Variants in FNDC3A observed in about 807,000 individuals in gnomAD.
The protein encoded by FNDC3A is fibronectin type-III domain-containing protein 3A.
A neutral mutation model predicts 148.9 loss-of-function variants in FNDC3A; 32 were observed. The observed-to-expected ratio is 0.21, with a 90% CI of 0.16 to 0.29. The LOEUF (loss-of-function observed/expected upper bound fraction) is 0.29, where lower values mean the gene tolerates loss of function less well. Among genes scored for constraint, FNDC3A ranks in the 10% least tolerant of loss-of-function variants. FNDC3A has a pLI of 1.00. For synonymous variants in FNDC3A, 472 were observed against 473.6 expected, an observed-to-expected ratio of 1.00 and a Z score of 0.04; for missense variants, 1,191 against 1,452.8, an observed-to-expected ratio of 0.82 and a Z score of 2.93.
At chr13:49,168,857 C>A (rs1884616717) in intron 10 of FNDC3A, 106 bp downstream of exon 10, 3 of 1,043,152 alleles carry the variant, frequency 2.9e-6, no homozygotes, top group South Asian at 1.6e-5. Context: ...TTAATTTGTT[C>A]CTGCTTTTTA....
intron 13 of FNDC3A, among the ~76,000 whole-genome samples, chr13:49,177,821 C>A (rs1885108660): frequency 6.6e-6 from 1 of 152,006 alleles, no homozygotes; most frequent in East Asian, 1.9e-4. Flanking sequence ...TATATGATTC[C>A]ATTTATATGG....
intron 3 of FNDC3A, among the ~76,000 whole-genome samples, chr13:49,104,551 A>C (rs1880049722): frequency 1.3e-5 from 2 of 152,140 alleles, no homozygotes; most frequent in Non-Finnish European, 1.5e-5. Context: ...AAGAAAAAAA[A>C]GAAAAGAAAA....
chr13:49,114,583 A>G lies in FNDC3A; in HGVS notation c.176-72A>G. The stretch of plus-strand genomic sequence containing the variant: ...TGTTTAGATGAAGTATTCAAAATGT[A>G]ATTCAAATTGTTTTCAACTTTAGCC... On this transcript the variant is annotated intron_variant, in intron 3 of 25. Coordinates refer to ENST00000492622, the MANE Select transcript of FNDC3A (RefSeq NM_001079673.2). 4 of 968,904 alleles carry G rather than the reference A, an allele frequency of 4.1e-6. No individual in the cohort carries two copies. The South Asian group carries it at 5.3e-5, about 13-fold the overall frequency. The allele number at this position is 968,904 out of a possible 1,614,324, so 60.0% of individuals were successfully genotyped here.
intron 7 of FNDC3A, among the ~76,000 whole-genome samples, chr13:49,143,997 T>TACTACC (rs1324125332): frequency 6.7e-6 from 1 of 149,720 alleles, no homozygotes; most frequent in Admixed American, 6.7e-5. Context: ...CTACTACTAC[T>TACTACC]ACTACTACTA....
intron 2 of FNDC3A, among the ~76,000 whole-genome samples, chr13:49,039,696 T>C (rs1874773578): frequency 6.6e-6 from 1 of 152,062 alleles, no homozygotes; most frequent in African/African-American, 2.4e-5. Context: ...ATTATCATAC[T>C]TTTTCTGTTT....
intron 2 of FNDC3A, among the ~76,000 whole-genome samples, chr13:49,068,431 A>G (rs192951253): frequency 1.4e-3 from 213 of 152,344 alleles, no homozygotes; most frequent in African/African-American, 5.0e-3. Flanking sequence ...GAGATCAAGA[A>G]CAAAATAGCA....
chr13:48,977,533 G>A (rs539221956), intron 1 of FNDC3A, among the ~76,000 whole-genome samples: 7 of 152,198 alleles, frequency 4.6e-5, no homozygotes, highest in Non-Finnish European at 1.0e-4. Context: ...GTTCAAGTGA[G>A]TTGAATCCCC....
intron 25 of FNDC3A, among the ~76,000 whole-genome samples, chr13:49,206,705 G>A (rs1046146479): frequency 6.6e-6 from 1 of 152,154 alleles, no homozygotes; most frequent in African/African-American, 2.4e-5. Flanking sequence ...CATAATGGGG[G>A]AAGCAAAAGT....
At chr13:49,107,476 C>T (rs1287675870) in intron 3 of FNDC3A, among the ~76,000 whole-genome samples, 5 of 152,050 alleles carry the variant, frequency 3.3e-5, no homozygotes, top group Non-Finnish European at 5.9e-5. Flanking sequence ...GGTAAAAATA[C>T]CTGACAGGAC....
intron 8 of FNDC3A, among the ~76,000 whole-genome samples, chr13:49,157,024 T>C (rs1883736237): frequency 4.3e-5 from 1 of 23,526 alleles, no homozygotes; most frequent in Admixed American, 5.7e-4. Context: ...TCGAGGAGTA[T>C]CTTTGTGGCG....
chr13:49,132,476 A>G (rs1276987990), intron 5 of FNDC3A, among the ~76,000 whole-genome samples: 1 of 152,198 alleles, frequency 6.6e-6, no homozygotes, highest in Non-Finnish European at 1.5e-5. Flanking sequence ...GTTTAAAGGC[A>G]TCCCTGGCCT....
At chr13:49,193,020 A>G (rs921514159) in intron 19 of FNDC3A, among the ~76,000 whole-genome samples, 2 of 152,214 alleles carry the variant, frequency 1.3e-5, no homozygotes, top group Non-Finnish European at 2.9e-5. Context: ...CAAAAAAATG[A>G]CATTTGTCAT....
At chr13:49,137,787 C>G (rs1027265052) in intron 6 of FNDC3A, among the ~76,000 whole-genome samples, 2 of 152,276 alleles carry the variant, frequency 1.3e-5, no homozygotes, top group South Asian at 4.1e-4. Context: ...GTAACTACTG[C>G]TTACTTTGAT....
chr13:49,150,943 CAAA>C (rs35888648), intron 8 of FNDC3A, among the ~76,000 whole-genome samples: 20 of 107,130 alleles, frequency 1.9e-4, no homozygotes, highest in Admixed American at 2.0e-4. Flanking sequence ...GACTCCGTCT[CAAA>C]AAAAAAAAAA....
chr13:49,167,455 C>A, intron 9 of FNDC3A, 152 bp downstream of exon 9: 1 of 537,090 alleles, frequency 1.9e-6, no homozygotes, highest in Non-Finnish European at 3.2e-6. Context: ...GCCCGTAATC[C>A]CAGCACTTTG....
At chr13:49,084,956 CTT>C (rs1878710979) in intron 3 of FNDC3A, among the ~76,000 whole-genome samples, 3 of 152,240 alleles carry the variant, frequency 2.0e-5, no homozygotes, top group Admixed American at 6.5e-5. Flanking sequence ...CTCTATCTGA[CTT>C]TTCTTTTTCG....
At chr13:48,995,085 A>G (rs1295216209) in intron 1 of FNDC3A, among the ~76,000 whole-genome samples, 1 of 152,294 alleles carries the variant, frequency 6.6e-6, no homozygotes, top group East Asian at 1.9e-4. Context: ...TGACTTTAAA[A>G]CAACTAATAA....
At chr13:49,074,868 A>G (rs1179668550) in intron 2 of FNDC3A, among the ~76,000 whole-genome samples, 1 of 152,186 alleles carries the variant, frequency 6.6e-6, no homozygotes, top group Non-Finnish European at 1.5e-5. Context: ...GATTAATTTA[A>G]CACATTCTCG....
Position 49,136,411 on chromosome 13 carries a change from G to A in FNDC3A, c.570G>A (p.Leu190=). The A allele has an allele frequency of 6.2e-7, 1 of 1,614,008 alleles. No individual in the cohort carries two copies. Residue 190 remains leucine (L), a synonymous_variant, in exon 6 of 26, where the codon TTG becomes TTA. Coordinates refer to ENST00000492622, the MANE Select transcript of FNDC3A (RefSeq NM_001079673.2). ...CATATGAACGTTTGCAGAAAAAATT[G>A]AAGGATCGCCAAGGAACACAGAAAG... ...SKTYERLQKK[L]KDRQGTQKDK... is the part of the protein sequence containing the mutation.
Sources: gnomAD v4.1 joint callset for allele counts (sites outside exome capture counted in the v4.1 genomes callset) on GRCh38, gnomAD v4.1.1 for gene constraint, MANE v1.5 for transcripts, NCBI Gene and HGNC (gene_info 2026-07-23, HGNC 2026-07-21) for gene names.